The following NBAS variants were observed in gnomAD, a reference collection of about 807,000 sequenced individuals.
NBAS encodes the protein NAG/BC035112 fusion.
Under a neutral mutation model 302.5 loss-of-function variants are expected in NBAS, and 219 were observed. That is an observed-to-expected ratio of 0.72 (90% CI 0.65 to 0.81). The LOEUF is 0.81. NBAS is among the 30% of genes least tolerant of loss of function. The pLI, the probability that NBAS is intolerant of heterozygous loss-of-function variation, is 0.00. For synonymous variants in NBAS, 1,118 were observed against 1,021.6 expected (o/e 1.09, Z -1.80); for missense variants, 2,932 against 2,841.6 (o/e 1.03, Z -0.72).
At chr2:14,906,135 G>A in the NBAS span, among the ~76,000 whole-genome samples, 2 of 152,100 alleles carry the variant, frequency 1.3e-5, no homozygotes, top group Non-Finnish European at 2.9e-5. Context: ...ATTAGTAGTA[G>A]TAGTAGTAGC....
At chr2:14,958,448 T>C in the NBAS span, among the ~76,000 whole-genome samples, 2 of 152,156 alleles carry the variant, frequency 1.3e-5, no homozygotes, top group African/African-American at 4.8e-5. Flanking sequence ...AGAGGGTCTC[T>C]GAGGAACCAG....
In NBAS at chr2:15,415,691, G is replaced by A; in HGVS notation, c.2792C>T (p.Ala931Val). 6.2e-7 allele frequency: 1 copy of A among 1,614,158 alleles called. No homozygotes were observed. Among genetic ancestry groups the A allele is most frequent in the Non-Finnish European group, 8.5e-7 (1 of 1,180,020 alleles). The change falls in exon 25 of 52, where the codon GCC (alanine) becomes GTC (valine). Residue 931 changes from alanine (A) to valine (V), a missense_variant. Transcript: ENST00000281513. ...SCSEDKYVTS[A>V]YQWMVPFLHR... is the part of the protein sequence containing the mutation. ...AAGAAAGGGAACCATCCACTGGTAGGCACTTGTCACATATTTATCCTCAGA... is the reference window on the plus strand; with the variant it reads ...AAGAAAGGGAACCATCCACTGGTAGACACTTGTCACATATTTATCCTCAGA...
At chr2:14,819,260 A>T in the NBAS span, among the ~76,000 whole-genome samples, 10 of 152,236 alleles carry the variant, frequency 6.6e-5, no homozygotes. Context: ...GGTAGATCCC[A>T]TGTAAGAATT....
At chr2:14,814,697 A>C in the NBAS span, among the ~76,000 whole-genome samples, 9,440 of 152,178 alleles carry the variant, frequency 0.062, 325 homozygotes, top group African/African-American at 0.094. Flanking sequence ...CTTTTGAGTT[A>C]ATGTTCGAAT....
the NBAS span, among the ~76,000 whole-genome samples, chr2:15,006,458 T>C: frequency 6.6e-6 from 1 of 152,168 alleles, no homozygotes; most frequent in East Asian, 1.9e-4. Context: ...TATATAATTA[T>C]TAAGATGGTT....
At chr2:15,342,185 T>G (rs1191625244) in intron 35 of NBAS, among the ~76,000 whole-genome samples, 1 of 152,112 alleles carries the variant, frequency 6.6e-6, no homozygotes, top group South Asian at 2.1e-4. Flanking sequence ...TATACAAAGA[T>G]GTGTACGTAG....
the NBAS span, among the ~76,000 whole-genome samples, chr2:15,067,175 A>G: frequency 6.7e-6 from 1 of 148,900 alleles, no homozygotes; most frequent in African/African-American, 2.5e-5. Context: ...AAAAAAAAAA[A>G]AAAAAAAAAA....
At chr2:15,345,233 C>A (rs576256908) in intron 35 of NBAS, among the ~76,000 whole-genome samples, 1 of 152,052 alleles carries the variant, frequency 6.6e-6, no homozygotes, top group African/African-American at 2.4e-5. Flanking sequence ...TGTTTGCAGA[C>A]GACCTGATTT....
intron 42 of NBAS, among the ~76,000 whole-genome samples, chr2:15,278,991 A>G (rs1669711484): frequency 6.6e-6 from 1 of 152,204 alleles, no homozygotes; most frequent in Non-Finnish European, 1.5e-5. Context: ...TCACTATTCA[A>G]CGAATACCAT....
the NBAS span, among the ~76,000 whole-genome samples, chr2:14,877,044 G>A: frequency 3.3e-5 from 5 of 152,170 alleles, no homozygotes; most frequent in Admixed American, 1.3e-4. Flanking sequence ...TCCTCACCAC[G>A]TTCTTAACTC....
chr2:15,425,896 G>A lies in NBAS; in HGVS notation c.2424-1428C>T, dbSNP rs897871770. On this transcript the variant is annotated intron_variant, in intron 22 of 51. Transcript: ENST00000281513. ...GCCCTTTGCCCCTCGTCAGTCTGCT[G>A]TCATGCCGTGAAGCATTCCTCCCTC... Among the ~76,000 whole-genome samples, 9 of 152,244 alleles carry A rather than the reference G, an allele frequency of 5.9e-5. No individual in the cohort carries two copies. The East Asian group carries it at 1.7e-3, about 29-fold the overall frequency.
chr2:15,559,062 C>CAAAAAAAAAAAAA lies in NBAS; in HGVS notation c.118-441_118-429dup, dbSNP rs70961421. On this transcript the variant is annotated intron_variant, in intron 1 of 51. Transcript: ENST00000281513. ...TGGGTGACAGAGTGAGACCCTGCCT[C>CAAAAAAAAAAAAA]AAAAAAAAAAAAAAAAAAAAAAAAA... is the stretch of plus-strand genomic sequence containing the variant. 2.4e-4 allele frequency among the ~76,000 whole-genome samples: 12 copies of CAAAAAAAAAAAAA among 50,414 alleles called. 1 individual carries two copies. Among genetic ancestry groups the CAAAAAAAAAAAAA allele is most frequent in the East Asian group, 1.0e-3 (2 of 1,954 alleles). 33.1% of individuals were successfully genotyped at this position (50,414 alleles called of 152,430 possible). A position where few individuals can be genotyped will look rare whatever the true frequency, so the allele number is the denominator to read the frequency against.
At chr2:15,135,396 A>T in the NBAS span, among the ~76,000 whole-genome samples, 6 of 152,176 alleles carry the variant, frequency 3.9e-5, no homozygotes, top group African/African-American at 1.4e-4. Context: ...TGGGTGGTGC[A>T]GTCTTGGCAT....
At position 15,275,138 on chromosome 2, in the gene NBAS, G is replaced by A. The variant is rs191674117; in HGVS notation, c.5724+346C>T. Among the ~76,000 whole-genome samples, 109 of 152,196 alleles carry A rather than the reference G, an allele frequency of 7.2e-4. 1 individual carries two copies. The highest frequency in any genetic ancestry group is 1.6e-3 in the Admixed American group (24 of 15,288). On this transcript the variant is annotated intron_variant, in intron 44 of 51. Coordinates refer to ENST00000281513, the MANE Select transcript of NBAS (RefSeq NM_015909.4). ...AAGCTAAGTTGTTAGCCTGGTTTCC[G>A]AATGCAGGTAATCTGGGCTGGGCAC...
At chr2:15,352,566 C>T (rs551332432) in intron 34 of NBAS, among the ~76,000 whole-genome samples, 12 of 152,160 alleles carry the variant, frequency 7.9e-5, no homozygotes, top group Non-Finnish European at 1.6e-4. Flanking sequence ...TGGCACGTTG[C>T]CAGGTTCTTG....
chr2:15,130,215 A>AT, the NBAS span, among the ~76,000 whole-genome samples: 1 of 152,216 alleles, frequency 6.6e-6, no homozygotes, highest in Non-Finnish European at 1.5e-5. Flanking sequence ...ATGTTGAACT[A>AT]TGTATCAGTA....
chr2:15,474,374 C>T (rs769155142), intron 14 of NBAS, 50 bp from the exon 15 acceptor site: 3 of 1,502,434 alleles, frequency 2.0e-6, no homozygotes, highest in Admixed American at 4.0e-5. Flanking sequence ...ATAAGAATAA[C>T]TTTTTAGAAT....
the NBAS span, among the ~76,000 whole-genome samples, chr2:14,945,104 G>A: frequency 1.1e-4 from 17 of 152,164 alleles, no homozygotes; most frequent in African/African-American, 3.4e-4. Context: ...CCAAGCTGCC[G>A]GAGGTTTATT....
chr2:14,831,160 G>GT, the NBAS span, among the ~76,000 whole-genome samples: 2 of 150,548 alleles, frequency 1.3e-5, no homozygotes, highest in East Asian at 2.0e-4. Flanking sequence ...TTTCTGTTTT[G>GT]TTTTTTTCAA....
Sources: gnomAD v4.1 joint callset for allele counts (sites outside exome capture counted in the v4.1 genomes callset) on GRCh38, gnomAD v4.1.1 for gene constraint, MANE v1.5 for transcripts, NCBI Gene and HGNC (gene_info 2026-07-23, HGNC 2026-07-21) for gene names.